GDPD5: variants seen among roughly 807,000 people sequenced by gnomAD.
GDPD5 encodes the protein glycerophosphodiester phosphodiesterase 2.
Under a neutral mutation model 75.1 loss-of-function variants are expected in GDPD5, and 48 were observed. The ratio of observed to expected loss-of-function variants is 0.64; its 90% CI spans 0.51 to 0.81. The LOEUF is 0.81. Ranked by LOEUF, GDPD5 falls within the 40% of genes least tolerant of loss-of-function variation. The pLI, the probability that GDPD5 is intolerant of heterozygous loss-of-function variation, is 0.00. For missense variants in GDPD5, 706 were observed against 822.6 expected (o/e 0.86, Z 1.73); for synonymous variants, 336 against 339.0 (o/e 0.99, Z 0.10).
intron 6 of GDPD5, chr11:75,451,306 TC>T (rs1203771761): frequency 6.6e-6 from 1 of 152,154 alleles, no homozygotes; most frequent in Admixed American, 6.6e-5. Flanking sequence ...ACATGGGGGC[TC>T]GGGGCGGGAA....
At chr11:75,501,477 C>T (rs891055219) in intron 1 of GDPD5, among the ~76,000 whole-genome samples, 14 of 152,248 alleles carry the variant, frequency 9.2e-5, no homozygotes, top group African/African-American at 3.1e-4. Context: ...AAGACAGGTC[C>T]ACAGGGACAC....
At chr11:75,524,942 TTCTC>T (rs953537337) in intron 1 of GDPD5, among the ~76,000 whole-genome samples, 1 of 152,202 alleles carries the variant, frequency 6.6e-6, no homozygotes, top group Non-Finnish European at 1.5e-5. Context: ...AAGCCTCAGT[TTCTC>T]CATCTGCAAG....
At chr11:75,470,517 C>T (rs564318652) in intron 3 of GDPD5, among the ~76,000 whole-genome samples, 57 of 152,148 alleles carry the variant, frequency 3.7e-4, no homozygotes, top group Non-Finnish European at 6.9e-4. Context: ...TTTCAATCTG[C>T]AATCCACCCA....
At chr11:75,506,616 G>C (rs903159196) in intron 1 of GDPD5, 1 of 152,568 alleles carries the variant, frequency 6.6e-6, no homozygotes, top group Non-Finnish European at 1.5e-5. Flanking sequence ...GGTAGGGTGG[G>C]GGCAGCCCTG....
chr11:75,501,756 G>A (rs1046365434), intron 1 of GDPD5, among the ~76,000 whole-genome samples: 3 of 152,158 alleles, frequency 2.0e-5, no homozygotes, highest in Non-Finnish European at 4.4e-5. Context: ...CAGAGGAGGA[G>A]GCCACCGGCC....
chr11:75,435,321 G>A lies in GDPD5; in HGVS notation c.*186C>T, dbSNP rs887730578. Reference sequence around the variant, plus strand: ...GGGCATCTGAAAGGATGGAGTCCTGGCCCAGCTGGGCCTCAGGAGACAGGG... The same window carrying A: ...GGGCATCTGAAAGGATGGAGTCCTGACCCAGCTGGGCCTCAGGAGACAGGG... On this transcript the variant is annotated 3_prime_UTR_variant, in exon 17 of 17. Transcript: ENST00000336898. 5.6e-6 allele frequency: 3 copies of A among 532,364 alleles called. No individual in the cohort carries two copies. Among genetic ancestry groups the A allele is most frequent in the Non-Finnish European group, 9.9e-6 (3 of 303,092 alleles). 33.0% of individuals were successfully genotyped at this position (532,364 alleles called of 1,614,324 possible). A position where few individuals can be genotyped will look rare whatever the true frequency, so the allele number is the denominator to read the frequency against.
chr11:75,524,150 C>G (rs1387245637), intron 1 of GDPD5, among the ~76,000 whole-genome samples: 1 of 152,270 alleles, frequency 6.6e-6, no homozygotes, highest in African/African-American at 2.4e-5. Flanking sequence ...AGCCTTGAGA[C>G]CTTGAGCAGG....
chr11:75,454,281 G>A (rs967872864), intron 6 of GDPD5, among the ~76,000 whole-genome samples: 2 of 152,222 alleles, frequency 1.3e-5, no homozygotes, highest in African/African-American at 4.8e-5. Context: ...CTCACCCGAA[G>A]GGAAATGCAA....
Position 75,490,242 on chromosome 11 carries a change from A to G in GDPD5, c.-66T>C, listed in dbSNP as rs1215737506. The G allele has an allele frequency of 1.3e-5, 2 of 152,208 alleles. No homozygotes were observed. Among genetic ancestry groups the G allele is most frequent in the African/African-American group, 4.8e-5 (2 of 41,416 alleles). 9.4% of individuals were successfully genotyped at this position (152,208 alleles called of 1,614,324 possible). A position where few individuals can be genotyped will look rare whatever the true frequency, so the allele number is the denominator to read the frequency against. ...CTCCCTCCTTTTCTCTTTACCTGGA[A>G]GAAGGTACCGGTGGCTGTGAGCTGG... is the stretch of plus-strand genomic sequence containing the variant. On this transcript the variant is annotated 5_prime_UTR_variant, in exon 2 of 17. Coordinates refer to ENST00000336898, the MANE Select transcript of GDPD5 (RefSeq NM_030792.8).
intron 2 of GDPD5, among the ~76,000 whole-genome samples, chr11:75,486,575 G>C (rs913845620): frequency 2.6e-5 from 4 of 152,124 alleles, no homozygotes; most frequent in African/African-American, 9.7e-5. Flanking sequence ...GCAGGACCAG[G>C]GCCTTTCTGT....
At chr11:75,468,121 C>G (rs1430481302) in intron 3 of GDPD5, among the ~76,000 whole-genome samples, 3 of 152,214 alleles carry the variant, frequency 2.0e-5, no homozygotes, top group African/African-American at 7.2e-5. Context: ...CTACAGGCCC[C>G]TGCCACTGTA....
At chr11:75,472,434 G>T (rs1949689149) in intron 3 of GDPD5, among the ~76,000 whole-genome samples, 1 of 152,082 alleles carries the variant, frequency 6.6e-6, no homozygotes, top group South Asian at 2.1e-4. Context: ...AAAAGTGGGG[G>T]CCAGCTGGGA....
Position 75,477,640 on chromosome 11 carries a change from G to A in GDPD5, c.96C>T (p.Arg32=), listed in dbSNP as rs1028867951. Residue 32 remains arginine, a synonymous_variant, in exon 3 of 17, where the codon CGC becomes CGT. Coordinates refer to ENST00000336898, the MANE Select transcript of GDPD5 (RefSeq NM_030792.8). ...TCACCGGTGTGGTATCATCATGGGA[G>A]CGCTGGTAGCGCTTCCAACGGCAGC... ...IYGCRWKRYQ[R]SHDDTTPWER... 1.3e-6 allele frequency: 2 copies of A among 1,595,716 alleles called. No homozygotes were observed. Among genetic ancestry groups the A allele is most frequent in the African/African-American group, 1.3e-5 (1 of 74,626 alleles).
chr11:75,510,403 C>T (rs1950489797), intron 1 of GDPD5, among the ~76,000 whole-genome samples: 1 of 152,240 alleles, frequency 6.6e-6, no homozygotes, highest in South Asian at 2.1e-4. Context: ...GTGCTGGGGA[C>T]ACTGGGATGA....
chr11:75,444,932 A>C (rs1435484402), intron 9 of GDPD5, among the ~76,000 whole-genome samples: 1 of 152,056 alleles, frequency 6.6e-6, no homozygotes, highest in Non-Finnish European at 1.5e-5. Flanking sequence ...TGGTTATACC[A>C]AGGGTTATAC....
chr11:75,441,895 C>T (rs1948824144), intron 12 of GDPD5, 92 bp from the exon 13 acceptor site: 1 of 1,261,476 alleles, frequency 7.9e-7, no homozygotes, highest in Non-Finnish European at 1.1e-6. Context: ...GGTTAAGAGA[C>T]AGGACCTGGC....
In GDPD5 at chr11:75,443,277, G is replaced by A. The variant is rs371832416; in HGVS notation, c.807C>T (p.Gly269=). ...LQADITISLD[G]VPFLMHDTTL... is the part of the protein sequence containing the mutation. ...TGGTGTCATGCATGAGGAAGGGCACGCCGTCCAGGCTGCAGGGAGGGTGGG... is the reference window on the plus strand; with the variant it reads ...TGGTGTCATGCATGAGGAAGGGCACACCGTCCAGGCTGCAGGGAGGGTGGG... The change falls in exon 11 of 17, where the codon GGC becomes GGT. Residue 269 remains glycine, a synonymous_variant. Coordinates refer to ENST00000336898, the MANE Select transcript of GDPD5 (RefSeq NM_030792.8). 21 of 1,608,202 alleles carry A rather than the reference G, an allele frequency of 1.3e-5. No individual in the cohort carries two copies. The highest frequency in any genetic ancestry group is 1.2e-4 in the African/African-American group (9 of 74,872).
intron 3 of GDPD5, among the ~76,000 whole-genome samples, chr11:75,472,015 C>T (rs1183270311): frequency 2.0e-5 from 3 of 152,136 alleles, no homozygotes; most frequent in Admixed American, 6.5e-5. Flanking sequence ...TTCCTCAAAG[C>T]GCTGAAGGAG....
intron 3 of GDPD5, among the ~76,000 whole-genome samples, chr11:75,471,684 CT>C (rs1305948986): frequency 5.3e-5 from 8 of 152,146 alleles, no homozygotes; most frequent in African/African-American, 1.9e-4. Context: ...CCCACCCTTG[CT>C]CAAGGTGTTC....
Sources: allele counts gnomAD v4.1 joint callset (sites outside exome capture counted in the v4.1 genomes callset), GRCh38; gene constraint gnomAD v4.1.1; transcripts MANE v1.5; gene names NCBI Gene and HGNC (gene_info 2026-07-23, HGNC 2026-07-21).